C1orf185: variants seen among roughly 807,000 people sequenced by gnomAD.
C1orf185 encodes the protein uncharacterized protein C1orf185.
Under a neutral mutation model 16.1 loss-of-function variants are expected in C1orf185, and 13 were observed. The observed-to-expected ratio is 0.81, with a 90% CI of 0.53 to 1.28. C1orf185 has a LOEUF of 1.28. Ranked by LOEUF, C1orf185 falls within the 50% of genes most tolerant of loss-of-function variation. The pLI is 0.00. For missense variants in C1orf185, 220 were observed against 225.2 expected, an observed-to-expected ratio of 0.98 and a Z score of 0.15; for synonymous variants, 80 against 76.9, an observed-to-expected ratio of 1.04 and a Z score of -0.21.
chr1:51,138,113 A>C (rs1365361773), intron 3 of C1orf185, among the ~76,000 whole-genome samples: 1 of 152,152 alleles, frequency 6.6e-6, no homozygotes, highest in Non-Finnish European at 1.5e-5. Context: ...ACTAGGCTTA[A>C]TACCTGGGTG....
At chr1:51,115,867 A>G (rs978846533) in intron 2 of C1orf185, among the ~76,000 whole-genome samples, 3 of 152,192 alleles carry the variant, frequency 2.0e-5, no homozygotes, top group African/African-American at 7.2e-5. Context: ...TAGGTTTTGC[A>G]GGTAGAGTCA....
At chr1:51,136,030 C>A (rs1268078060) in intron 3 of C1orf185, among the ~76,000 whole-genome samples, 1 of 152,106 alleles carries the variant, frequency 6.6e-6, no homozygotes, top group African/African-American at 2.4e-5. Flanking sequence ...AGTTGAGAAC[C>A]AAATCATGAA....
At chr1:51,110,195 A>G (rs1290968654) in intron 1 of C1orf185, among the ~76,000 whole-genome samples, 2 of 152,232 alleles carry the variant, frequency 1.3e-5, no homozygotes, top group African/African-American at 4.8e-5. Flanking sequence ...TGCAGAAATC[A>G]TAGTATTTAA....
intron 1 of C1orf185, among the ~76,000 whole-genome samples, chr1:51,103,020 C>T (rs1278453901): frequency 6.6e-6 from 1 of 151,972 alleles, no homozygotes; most frequent in Admixed American, 6.6e-5. Flanking sequence ...AGCACAGGAG[C>T]TTTTCTTAGG....
chr1:51,131,459 C>G (rs1008034131), intron 3 of C1orf185, among the ~76,000 whole-genome samples: 1 of 152,006 alleles, frequency 6.6e-6, no homozygotes, highest in Non-Finnish European at 1.5e-5. Flanking sequence ...TCTGGAGTTT[C>G]GTTTTTTGTT....
intron 2 of C1orf185, among the ~76,000 whole-genome samples, chr1:51,116,299 A>G (rs1347053825): frequency 6.7e-6 from 1 of 150,070 alleles, no homozygotes; most frequent in Non-Finnish European, 1.5e-5. Flanking sequence ...GGCAAATCTG[A>G]TCAAGTCACC....
downstream of C1orf185, among the ~76,000 whole-genome samples, chr1:51,149,586 T>A (rs1407221984): frequency 6.6e-6 from 1 of 152,172 alleles, no homozygotes; most frequent in Non-Finnish European, 1.5e-5. Context: ...CTAATTTTGG[T>A]GATGTCCTAA....
chr1:51,140,439 G>A (rs539632548), intron 3 of C1orf185, among the ~76,000 whole-genome samples: 84 of 152,134 alleles, frequency 5.5e-4, no homozygotes, highest in Non-Finnish European at 1.0e-3. Context: ...ATCATAGTTC[G>A]TTTTTGTTCA....
intron 3 of C1orf185, among the ~76,000 whole-genome samples, chr1:51,126,041 C>A (rs1646237589): frequency 6.6e-6 from 1 of 151,980 alleles, no homozygotes; most frequent in Non-Finnish European, 1.5e-5. Context: ...TAATTGGGTC[C>A]CTGTTCCTCA....
chr1:51,125,079 G>C (rs1403116071), intron 3 of C1orf185, among the ~76,000 whole-genome samples: 1 of 152,204 alleles, frequency 6.6e-6, no homozygotes, highest in African/African-American at 2.4e-5. Context: ...GGCCCAACGG[G>C]AAGGTGTTTT....
intron 1 of C1orf185, among the ~76,000 whole-genome samples, chr1:51,108,028 C>T (rs540570274): frequency 7.2e-5 from 11 of 152,124 alleles, no homozygotes; most frequent in Non-Finnish European, 1.3e-4. Context: ...ATTGCTGGAT[C>T]GTAAGTATGC....
intron 3 of C1orf185, among the ~76,000 whole-genome samples, chr1:51,128,304 AT>A (rs1462127210): frequency 4.0e-4 from 61 of 152,286 alleles, no homozygotes; most frequent in African/African-American, 1.3e-3. Context: ...ATTGTAACTT[AT>A]TTCACTCCCA....
chr1:51,117,075 C>T (rs963877779), intron 2 of C1orf185, among the ~76,000 whole-genome samples: 4 of 152,118 alleles, frequency 2.6e-5, no homozygotes. Flanking sequence ...TATTTAAGCT[C>T]GATGGAAGCA....
chr1:51,102,551 A>G (rs529992067), intron 1 of C1orf185, among the ~76,000 whole-genome samples: 1 of 152,246 alleles, frequency 6.6e-6, no homozygotes, highest in African/African-American at 2.4e-5. Context: ...GTTTTCAAAT[A>G]TATTAGCATA....
intron 1 of C1orf185, among the ~76,000 whole-genome samples, chr1:51,110,746 A>G (rs1646110335): frequency 1.3e-5 from 2 of 152,128 alleles, no homozygotes; most frequent in South Asian, 4.1e-4. Context: ...AGGTGGGTGA[A>G]TCACTTGAGG....
At chr1:51,127,801 T>C (rs1646252482) in intron 3 of C1orf185, among the ~76,000 whole-genome samples, 1 of 152,128 alleles carries the variant, frequency 6.6e-6, no homozygotes, top group Admixed American at 6.5e-5. Flanking sequence ...TTGGGTTGTT[T>C]TTAGTTTTTG....
Position 51,147,744 on chromosome 1 carries a change from T to C in C1orf185, c.573T>C (p.Thr191=), listed in dbSNP as rs1201867207. Reference sequence around the variant, plus strand: ...CAACCATTTCATTAGAAGAGGGTACTGAAAGTGTACTGAATGACACTTTAT... The same window carrying C: ...CAACCATTTCATTAGAAGAGGGTACCGAAAGTGTACTGAATGACACTTTAT... ...YLSTISLEEG[T]ESVLNDTL is the part of the protein sequence containing the mutation. Residue 191 remains threonine, a synonymous_variant, in exon 5 of 5, where the codon ACT becomes ACC. Transcript: ENST00000371759. 6.5e-7 allele frequency: 1 copy of C among 1,548,260 alleles called. No individual in the cohort carries two copies. Among genetic ancestry groups the C allele is most frequent in the Admixed American group, 2.0e-5 (1 of 50,676 alleles).
intron 3 of C1orf185, among the ~76,000 whole-genome samples, chr1:51,135,593 A>C (rs1176073839): frequency 6.6e-6 from 1 of 152,220 alleles, no homozygotes; most frequent in Non-Finnish European, 1.5e-5. Context: ...AAGCCTTTCA[A>C]TAAAATTTAA....
chr1:51,147,807 C>T lies in C1orf185; in HGVS notation c.*36C>T. 2 of 1,421,250 alleles carry T rather than the reference C, an allele frequency of 1.4e-6. No homozygotes were observed. The highest frequency in any genetic ancestry group is 2.5e-5 in the East Asian group (1 of 40,096). The allele number at this position is 1,421,250 out of a possible 1,614,324, so 88.0% of individuals were successfully genotyped here. ...GATGACTACATTAAGGGAAAATGTT[C>T]ATGAAGAAACACAGAGGTTGAAATA... On this transcript the variant is annotated 3_prime_UTR_variant, in exon 5 of 5. Transcript: ENST00000371759.
Sources: gnomAD v4.1 joint callset for allele counts (sites outside exome capture counted in the v4.1 genomes callset) on GRCh38, gnomAD v4.1.1 for gene constraint, MANE v1.5 for transcripts, NCBI Gene and HGNC (gene_info 2026-07-23, HGNC 2026-07-21) for gene names.